The following NFKB1 variants were observed in gnomAD, a reference collection of about 807,000 sequenced individuals.
The protein encoded by NFKB1 is nuclear factor NF-kappa-B p105 subunit.
NFKB1 carries 9 observed loss-of-function variants against 105.1 expected under a neutral mutation model. That is an observed-to-expected ratio of 0.09 (90% confidence interval 0.05 to 0.15). The LOEUF (loss-of-function observed/expected upper bound fraction) is 0.15, where lower values mean the gene tolerates loss of function less well. NFKB1 is among the 10% of genes least tolerant of loss of function. NFKB1 has a pLI of 1.00. For synonymous variants in NFKB1, 440 were observed against 442.2 expected (o/e 1.00, Z 0.06); for missense variants, 830 against 1,203.7 (o/e 0.69, Z 4.59).
chr4:102,520,494 C>A lies in NFKB1; in HGVS notation c.-7-5018C>A, dbSNP rs1454979629. On this transcript the variant is annotated intron_variant, in intron 1 of 23. Transcript: ENST00000226574. ...AACAGGTACCTTATCTTTACCAGCT[C>A]CAAGCACAATGTATTTGGTATATCA... 1.3e-5 allele frequency among the ~76,000 whole-genome samples: 2 copies of A among 152,140 alleles called. 1 individual carries two copies. The highest frequency in any genetic ancestry group is 2.9e-5 in the Non-Finnish European group (2 of 68,026).
chr4:102,516,700 A>AT (rs919399652), intron 1 of NFKB1, among the ~76,000 whole-genome samples: 14 of 150,300 alleles, frequency 9.3e-5, no homozygotes, highest in African/African-American at 2.9e-4. Flanking sequence ...CATTTGTGTC[A>AT]TTTTTTTTCT....
chr4:102,585,979 A>G (rs1460043629), intron 11 of NFKB1, among the ~76,000 whole-genome samples: 1 of 152,310 alleles, frequency 6.6e-6, no homozygotes, highest in Non-Finnish European at 1.5e-5. Flanking sequence ...GAGGGCTGTG[A>G]ATGGCAGCTT....
chr4:102,557,945 C>G (rs1305231949), intron 5 of NFKB1, among the ~76,000 whole-genome samples: 2 of 152,024 alleles, frequency 1.3e-5, no homozygotes, highest in African/African-American at 4.8e-5. Flanking sequence ...AACCCTGCCT[C>G]CAATTTAGAC....
chr4:102,606,238 AT>A (rs1727710913), intron 16 of NFKB1, among the ~76,000 whole-genome samples: 1 of 152,240 alleles, frequency 6.6e-6, no homozygotes, highest in African/African-American at 2.4e-5. Context: ...TACAATTACT[AT>A]TTGTCAATTA....
rs1723926750 is a variant in NFKB1 at position 102,566,970 on chromosome 4, A to G, written c.259-17A>G. On this transcript the variant is annotated splice_polypyrimidine_tract_variant and intron_variant, in intron 5 of 23. Transcript: ENST00000226574. ...AGAGTCAGATATGCTAACTTTTGGA[A>G]TGTGCTTCTTATATAGATCTGCAAC... 2 of 1,613,088 alleles carry G rather than the reference A, an allele frequency of 1.2e-6. No individual in the cohort carries two copies. Among genetic ancestry groups the G allele is most frequent in the Admixed American group, 1.7e-5 (1 of 60,006 alleles).
At chr4:102,539,035 G>A (rs1021844868) in intron 5 of NFKB1, among the ~76,000 whole-genome samples, 10 of 151,854 alleles carry the variant, frequency 6.6e-5, no homozygotes, top group Non-Finnish European at 1.3e-4. Context: ...TCAGGAGTTC[G>A]AGACCAGCCT....
At chr4:102,586,957 G>A (rs142180414) in intron 11 of NFKB1, among the ~76,000 whole-genome samples, 352 of 152,338 alleles carry the variant, frequency 2.3e-3, no homozygotes, top group African/African-American at 7.8e-3. Flanking sequence ...GGTTCTACAA[G>A]TTCTTGTTTC....
chr4:102,607,610 A>T, intron 18 of NFKB1, 39 bp from the exon 19 acceptor site: 2 of 1,599,144 alleles, frequency 1.3e-6, no homozygotes, highest in Non-Finnish European at 1.7e-6. Flanking sequence ...GGGCAAAAGA[A>T]CCTTCCACTA....
chr4:102,577,812 A>G (rs1724983572), intron 7 of NFKB1: 4 of 985,312 alleles, frequency 4.1e-6, no homozygotes, highest in South Asian at 4.7e-5. Flanking sequence ...GGCATTCCAC[A>G]CTACATTCCA....
chr4:102,577,927 A>G, intron 7 of NFKB1: 5 of 985,416 alleles, frequency 5.1e-6, no homozygotes, highest in Non-Finnish European at 4.8e-6. Context: ...GAAGTTCTGT[A>G]TCTTGTTGCT....
At chr4:102,598,935 C>T (rs774011327) in intron 15 of NFKB1, among the ~76,000 whole-genome samples, 12 of 152,254 alleles carry the variant, frequency 7.9e-5, no homozygotes, top group Non-Finnish European at 1.8e-4. Context: ...CTTGGAGAGA[C>T]CAGAGGATCC....
chr4:102,591,349 G>A (rs531796300), intron 11 of NFKB1, among the ~76,000 whole-genome samples: 2 of 151,312 alleles, frequency 1.3e-5, no homozygotes, highest in East Asian at 3.9e-4. Context: ...GAACACAGAA[G>A]GTCGAGGCTG....
chr4:102,539,879 C>G (rs987303774), intron 5 of NFKB1, among the ~76,000 whole-genome samples: 1 of 152,034 alleles, frequency 6.6e-6, no homozygotes, highest in Non-Finnish European at 1.5e-5. Flanking sequence ...AAATTATGGG[C>G]AGACAATGGT....
chr4:102,527,400 C>A (rs1740990388), intron 2 of NFKB1, among the ~76,000 whole-genome samples: 1 of 152,112 alleles, frequency 6.6e-6, no homozygotes, highest in African/African-American at 2.4e-5. Flanking sequence ...GCCAGGATAG[C>A]CTGGTCACAT....
chr4:102,519,504 A>T (rs970290165), intron 1 of NFKB1, among the ~76,000 whole-genome samples: 48 of 149,266 alleles, frequency 3.2e-4, no homozygotes, highest in Non-Finnish European at 6.3e-4. Context: ...ATTTTTTTTT[A>T]AAAAAAGAAC....
intron 2 of NFKB1, among the ~76,000 whole-genome samples, chr4:102,529,089 T>C (rs2149117422): frequency 6.6e-6 from 1 of 152,304 alleles, no homozygotes; most frequent in South Asian, 2.1e-4. Flanking sequence ...AGACACTCTC[T>C]TCATCTTATT....
At chr4:102,594,393 G>A (rs2149204441) in intron 12 of NFKB1, among the ~76,000 whole-genome samples, 1 of 152,230 alleles carries the variant, frequency 6.6e-6, no homozygotes, top group Admixed American at 6.5e-5. Context: ...TACTACGTCA[G>A]AGGGCATGAC....
intron 1 of NFKB1, among the ~76,000 whole-genome samples, chr4:102,515,104 ATTATTT>A (rs962088196): frequency 2.6e-5 from 3 of 113,508 alleles, no homozygotes; most frequent in African/African-American, 1.0e-4. Flanking sequence ...TATTATTATT[ATTATTT>A]TTTTTTTTTT....
At chr4:102,506,132 T>C (rs758636213) in intron 1 of NFKB1, among the ~76,000 whole-genome samples, 2 of 152,180 alleles carry the variant, frequency 1.3e-5, no homozygotes, top group Non-Finnish European at 2.9e-5. Context: ...TTCAAAGTTT[T>C]AGAGGCACCA....
Sources: gnomAD v4.1 joint callset for allele counts (sites outside exome capture counted in the v4.1 genomes callset) on GRCh38, gnomAD v4.1.1 for gene constraint, MANE v1.5 for transcripts, NCBI Gene and HGNC (gene_info 2026-07-23, HGNC 2026-07-21) for gene names.